Variants in KARS1 observed in about 807,000 individuals in gnomAD.
KARS1 encodes the protein lysine--tRNA ligase.
Under a neutral mutation model 63.9 loss-of-function variants are expected in KARS1, and 50 were observed. The ratio of observed to expected loss-of-function variants is 0.78; its 90% CI spans 0.62 to 0.99. The LOEUF is 0.99. Among genes scored for constraint, KARS1 ranks in the 50% least tolerant of loss-of-function variants. The pLI, the probability that KARS1 is intolerant of heterozygous loss-of-function variation, is 0.00. For synonymous variants in KARS1, 320 were observed against 264.6 expected, an observed-to-expected ratio of 1.21 and a Z score of -2.03; for missense variants, 816 against 754.5, an observed-to-expected ratio of 1.08 and a Z score of -0.95.
chr16:75,635,631 G>A, intron 6 of KARS1, 49 bp downstream of exon 6: 1 of 1,606,540 alleles, frequency 6.2e-7, no homozygotes, highest in Non-Finnish European at 8.5e-7. Context: ...AGAGGAGGAG[G>A]CAAGCATTGC....
rs2082155094 is a variant in KARS1, at chr16:75,635,821, C to A, written c.670-16G>T. The A allele has an allele frequency of 6.2e-7, 1 of 1,614,178 alleles. No homozygotes were observed. The highest frequency in any genetic ancestry group is 1.1e-5 in the South Asian group (1 of 91,080). On this transcript the variant is annotated splice_polypyrimidine_tract_variant and intron_variant, in intron 5 of 13. Transcript: ENST00000302445. ...ACCTTGTTTCCTAAACCAAAAGCAG[C>A]AGTTAGAAATCACTGGTATGTCTGA...
intron 1 of KARS1, chr16:75,644,215 C>T (rs866049491): frequency 8.8e-5 from 127 of 1,443,542 alleles, no homozygotes; most frequent in Middle Eastern, 5.2e-4. Context: ...AGAGGCTTAA[C>T]GGAAAATGAA....
At chr16:75,634,362 T>C (rs1723043984) in intron 6 of KARS1, 70 bp from the exon 7 acceptor site, 1 of 1,524,996 alleles carries the variant, frequency 6.6e-7, no homozygotes, top group Non-Finnish European at 9.0e-7. Context: ...ATGCTTTGCA[T>C]GTAATATAGT....
intron 1 of KARS1, among the ~76,000 whole-genome samples, chr16:75,645,061 A>G (rs1330836146): frequency 2.0e-5 from 3 of 152,232 alleles, no homozygotes; most frequent in Non-Finnish European, 4.4e-5. Flanking sequence ...CCGTGTTCAA[A>G]TAAATTTGAG....
At chr16:75,638,891 G>C (rs764779754) in intron 3 of KARS1, among the ~76,000 whole-genome samples, 1 of 152,322 alleles carries the variant, frequency 6.6e-6, no homozygotes, top group South Asian at 2.1e-4. Flanking sequence ...AGATCTGCTG[G>C]GAGCAGCGGC....
intron 6 of KARS1, among the ~76,000 whole-genome samples, 171 bp from the exon 7 acceptor site, chr16:75,634,463 C>G (rs1190652583): frequency 6.6e-6 from 1 of 152,232 alleles, no homozygotes; most frequent in Non-Finnish European, 1.5e-5. Flanking sequence ...TTTTCTACGA[C>G]AGTGTCTCAA....
chr16:75,640,374 C>T lies in KARS1; in HGVS notation c.223-25G>A, dbSNP rs200988523. 2.8e-4 allele frequency: 394 copies of T among 1,428,418 alleles called. 1 individual carries two copies. Among genetic ancestry groups the T allele is most frequent in the Middle Eastern group, 8.0e-4 (4 of 4,996 alleles). 88.5% of individuals were successfully genotyped at this position (1,428,418 alleles called of 1,614,324 possible). A position where few individuals can be genotyped will look rare whatever the true frequency, so the allele number is the denominator to read the frequency against. On this transcript the variant is annotated intron_variant, in intron 2 of 13. Coordinates refer to ENST00000302445, the MANE Select transcript of KARS1 (RefSeq NM_005548.3). Reference sequence around the variant, plus strand: ...GCTGTTAAAAAAAAAAAAAAAAAAGCCCTTCAGAAGTTGAACCTGGTCAGA... The same window carrying T: ...GCTGTTAAAAAAAAAAAAAAAAAAGTCCTTCAGAAGTTGAACCTGGTCAGA...
chr16:75,636,510 G>A lies in KARS1; in HGVS notation c.426C>T (p.Leu142=), dbSNP rs181866651. 1.2e-4 allele frequency: 188 copies of A among 1,613,532 alleles called. 1 individual carries two copies. In the East Asian group the frequency reaches 3.2e-3, roughly 28 times the overall value. Residue 142 remains leucine, a synonymous_variant, in exon 4 of 14, where the codon CTC becomes CTT. Transcript: ENST00000302445. ...CCTCTCCTCGAAGATCATAGAAGATGAGCTTTCCCCCAGAAGCTCTTTTGG... is the reference window on the plus strand; with the variant it reads ...CCTCTCCTCGAAGATCATAGAAGATAAGCTTTCCCCCAGAAGCTCTTTTGG... The part of the protein sequence containing the change: ...IHAKRASGGK[L]IFYDLRGEGV...
rs535961094 is a variant in KARS1, at chr16:75,637,769, A to T, written c.389-1222T>A. 2.1e-5 allele frequency among the ~76,000 whole-genome samples: 3 copies of T among 145,506 alleles called. No homozygotes were observed. The Admixed American group carries it at 2.2e-4, about 10-fold the overall frequency. On this transcript the variant is annotated intron_variant, in intron 3 of 13. Coordinates refer to ENST00000302445, the MANE Select transcript of KARS1 (RefSeq NM_005548.3). ...ACTCCAGCCTGGGCAATAAGAGCAA[A>T]ACTCAGTCTCAAAAAAAAAAAAAAA... is the stretch of plus-strand genomic sequence containing the variant.
At position 75,642,185 on chromosome 16, in the gene KARS1, C is replaced by CTTTTTTTT. The variant is rs148991591; in HGVS notation, c.63-470_63-463dup. ...AGGTGAAGTTCCAACAGTGCCAGGT[C>CTTTTTTTT]TTTTTTTTTTTTTTTTTTTTTTTTT... On this transcript the variant is annotated intron_variant, in intron 1 of 13. Coordinates refer to ENST00000302445, the MANE Select transcript of KARS1 (RefSeq NM_005548.3). 1.7e-4 allele frequency among the ~76,000 whole-genome samples: 11 copies of CTTTTTTTT among 63,194 alleles called. 2 individuals carry two copies. The highest frequency in any genetic ancestry group is 9.9e-4 in the East Asian group (1 of 1,008). 41.5% of individuals were successfully genotyped at this position (63,194 alleles called of 152,430 possible).
rs370807093 is a variant in KARS1 at position 75,634,653 on chromosome 16, G to T, written c.796-361C>A. Among the ~76,000 whole-genome samples, 7 of 152,264 alleles carry T rather than the reference G, an allele frequency of 4.6e-5. No homozygotes were observed. In the East Asian group the frequency reaches 5.8e-4, roughly 13 times the overall value. ...TGCAGCAGCGCGATCTCGGCTCATGGCAAGCTCCGCCTCCTGGGTTCACAC... is the reference window on the plus strand; with the variant it reads ...TGCAGCAGCGCGATCTCGGCTCATGTCAAGCTCCGCCTCCTGGGTTCACAC... On this transcript the variant is annotated intron_variant, in intron 6 of 13. Coordinates refer to ENST00000302445, the MANE Select transcript of KARS1 (RefSeq NM_005548.3).
chr16:75,638,417 G>C (rs2082187831), intron 3 of KARS1, among the ~76,000 whole-genome samples: 1 of 151,816 alleles, frequency 6.6e-6, no homozygotes, highest in African/African-American at 2.4e-5. Flanking sequence ...CCCAGTGTGT[G>C]ATGTTCCCCT....
chr16:75,643,400 C>CA (rs2082245930), intron 1 of KARS1, among the ~76,000 whole-genome samples: 1 of 143,914 alleles, frequency 6.9e-6, no homozygotes, highest in Admixed American at 7.1e-5. Flanking sequence ...TTTTTTGAGA[C>CA]AGAGTCTCGC....
chr16:75,641,783 C>T lies in KARS1; in HGVS notation c.63-60G>A, dbSNP rs1458239176. 7 of 1,565,316 alleles carry T rather than the reference C, an allele frequency of 4.5e-6. No individual in the cohort carries two copies. In the Admixed American group the frequency reaches 6.7e-5, roughly 15 times the overall value. ...TGCCTGAAGAGTCCTCTATGTTCTG[C>T]CCCTAGCAACTTATCAAAAACATGA... is the stretch of plus-strand genomic sequence containing the variant. On this transcript the variant is annotated intron_variant, in intron 1 of 13. Transcript: ENST00000302445.
chr16:75,644,401 C>T (rs781008482), intron 1 of KARS1: 6 of 1,612,442 alleles, frequency 3.7e-6, no homozygotes, highest in African/African-American at 1.3e-5. Flanking sequence ...GACCCCCTAA[C>T]AAGCCTTACA....
At chr16:75,636,842 G>A (rs994958412) in intron 3 of KARS1, among the ~76,000 whole-genome samples, 2 of 150,822 alleles carry the variant, frequency 1.3e-5, no homozygotes, top group African/African-American at 4.9e-5. Flanking sequence ...GTTTCACCAT[G>A]TTGCCCAGGC....
At position 75,628,618 on chromosome 16, in the gene KARS1, A is replaced by G; in HGVS notation, c.1646T>C (p.Met549Thr). Residue 549 changes from methionine to threonine, a missense_variant, in exon 13 of 14, where the codon ATG (methionine) becomes ACG (threonine). Coordinates refer to ENST00000302445, the MANE Select transcript of KARS1 (RefSeq NM_005548.3). ...AAACATGGCGACTCGATCAATGCCC[A>G]TGCCCCAGCCAGCTGTGGGGGGCAG... ...YGLPPTAGWG[M>T]GIDRVAMFLT... 4.3e-6 allele frequency: 7 copies of G among 1,614,152 alleles called. No individual in the cohort carries two copies. The highest frequency in any genetic ancestry group is 5.1e-6 in the Non-Finnish European group (6 of 1,180,010).
chr16:75,641,616 T>G lies in KARS1; in HGVS notation c.170A>C (p.Asn57Thr), dbSNP rs117041419. 2.0e-5 allele frequency: 32 copies of G among 1,613,936 alleles called. No homozygotes were observed. Among genetic ancestry groups the G allele is most frequent in the African/African-American group, 6.7e-5 (5 of 75,016 alleles). The change falls in exon 2 of 14, where the codon AAC becomes ACC. Residue 57 changes from asparagine (N) to threonine (T), a missense_variant. Asn to Thr is a moderately conservative substitution (Grantham distance 65). Coordinates refer to ENST00000302445, the MANE Select transcript of KARS1 (RefSeq NM_005548.3). ...ACCCACACCATTATCAGTGGTGTGG[T>G]TGGTGGCAGCAGCAGTGGCTTGGCT... ...QLSQATAAAT[N>T]HTTDNGVGPE...
intron 6 of KARS1, among the ~76,000 whole-genome samples, chr16:75,635,073 C>G (rs1304309528): frequency 6.6e-6 from 1 of 152,228 alleles, no homozygotes; most frequent in Non-Finnish European, 1.5e-5. Flanking sequence ...GAGTATCTAT[C>G]TATCTCATAC....
Sources: gnomAD v4.1 joint callset for allele counts (sites outside exome capture counted in the v4.1 genomes callset) on GRCh38, gnomAD v4.1.1 for gene constraint, MANE v1.5 for transcripts, NCBI Gene and HGNC (gene_info 2026-07-23, HGNC 2026-07-21) for gene names.